Variants in PURG observed in about 807,000 individuals in gnomAD.
PURG encodes purine rich element binding protein G, also known as purine-rich element-binding protein gamma.
A neutral mutation model predicts 24.3 loss-of-function variants in PURG; 3 were observed. That is an observed-to-expected ratio of 0.12 (90% CI 0.06 to 0.32). The LOEUF (loss-of-function observed/expected upper bound fraction) is 0.32. Ranked by LOEUF, PURG falls within the 10% of genes least tolerant of loss-of-function variation. The pLI, the probability that PURG is intolerant of heterozygous loss-of-function variation, is 1.00. For synonymous variants in PURG, 180 were observed against 173.1 expected, an observed-to-expected ratio of 1.04 and a Z score of -0.31; for missense variants, 371 against 439.1, an observed-to-expected ratio of 0.84 and a Z score of 1.39.
chr8:31,021,198 A>T (rs976356314), intron 1 of PURG, among the ~76,000 whole-genome samples: 11 of 152,198 alleles, frequency 7.2e-5, no homozygotes, highest in African/African-American at 2.7e-4. Flanking sequence ...GTTGTAAGAA[A>T]TCAATAAAAC....
At chr8:30,996,604 C>T (rs1301181237) in exon 2 of PURG, 4 of 1,605,710 alleles carry the variant, frequency 2.5e-6, no homozygotes, top group African/African-American at 1.3e-5. Context: ...TATTCCTCAA[C>T]TGTTTTTGTA....
At chr8:31,026,205 T>C (rs532220009), downstream of PURG, among the ~76,000 whole-genome samples, 23 of 151,900 alleles carry the variant, frequency 1.5e-4, no homozygotes, top group Non-Finnish European at 3.2e-4. Context: ...CGTGATACTT[T>C]ATTAAAGCTT....
Position 31,030,866 on chromosome 8 carries a change from T to C in PURG, c.*873A>G, listed in dbSNP as rs1811182808. The stretch of plus-strand genomic sequence containing the variant: ...TATAACACCTTGAGTCCATGATATA[T>C]TTTGGGGAAGAAACCTCTTGCAATC... On this transcript the variant is annotated 3_prime_UTR_variant, in exon 2 of 2. Coordinates refer to ENST00000523392, the MANE Select transcript of PURG (RefSeq NM_001323311.2). 1 of 152,036 alleles carries C rather than the reference T, an allele frequency of 6.6e-6. No individual in the cohort carries two copies. The highest frequency in any genetic ancestry group is 2.1e-4 in the South Asian group (1 of 4,812). The allele number at this position is 152,036 out of a possible 1,614,324, so 9.4% of individuals were successfully genotyped here.
rs1221302455 is a variant in PURG at position 31,016,591 on chromosome 8, A to AC, written c.864+15327_864+15328insG. Among the ~76,000 whole-genome samples, 777 of 142,346 alleles carry AC rather than the reference A, an allele frequency of 5.5e-3. 19 individuals are homozygous for AC. Among genetic ancestry groups the AC allele is most frequent in the Middle Eastern group, 0.022 (6 of 276 alleles). The allele number at this position is 142,346 out of a possible 152,430, so 93.4% of individuals were successfully genotyped here. On this transcript the variant is annotated intron_variant, in intron 1 of 1. Transcript: ENST00000339382. Reference sequence around the variant, plus strand: ...AAGTCTACCAAGAACCAAAAAAAAAAAAAAAAAAAAAAAAAAAAGAAAGAA... The same window carrying AC: ...AAGTCTACCAAGAACCAAAAAAAAAACAAAAAAAAAAAAAAAAAAGAAAGAA...
At chr8:31,026,096 A>T (rs1042377277), downstream of PURG, among the ~76,000 whole-genome samples, 1 of 152,010 alleles carries the variant, frequency 6.6e-6, no homozygotes, top group African/African-American at 2.4e-5. Context: ...TTCAACAGAA[A>T]TATACCTTTT....
At chr8:31,029,034 A>T (rs1490492424), downstream of PURG, among the ~76,000 whole-genome samples, 1 of 151,904 alleles carries the variant, frequency 6.6e-6, no homozygotes, top group African/African-American at 2.4e-5. Flanking sequence ...GTATGTTACA[A>T]ATGACAATAA....
At chr8:31,027,873 C>T (rs1811119104), downstream of PURG, among the ~76,000 whole-genome samples, 1 of 151,694 alleles carries the variant, frequency 6.6e-6, no homozygotes, top group African/African-American at 2.4e-5. Flanking sequence ...GTTAGTACTT[C>T]TGTGAATTCT....
chr8:30,999,820 C>G (rs762395640), intron 1 of PURG, among the ~76,000 whole-genome samples: 3 of 151,780 alleles, frequency 2.0e-5, no homozygotes, highest in Non-Finnish European at 4.4e-5. Flanking sequence ...TTGTTTTAAA[C>G]AACTAAGAGA....
chr8:30,995,946 A>G (rs963165089), exon 2 of PURG: 1 of 152,036 alleles, frequency 6.6e-6, no homozygotes, highest in African/African-American at 2.4e-5. Context: ...TAGCATCCAC[A>G]AAAGCACCAT....
At chr8:31,005,873 G>A (rs367825903) in intron 1 of PURG, among the ~76,000 whole-genome samples, 5 of 151,208 alleles carry the variant, frequency 3.3e-5, no homozygotes, top group Non-Finnish European at 7.4e-5. Context: ...TGGAGGACAC[G>A]GGTTTTATAT....
At chr8:31,009,245 T>C (rs192386502) in intron 1 of PURG, among the ~76,000 whole-genome samples, 1 of 152,096 alleles carries the variant, frequency 6.6e-6, no homozygotes, top group East Asian at 1.9e-4. Context: ...GCCAACACAG[T>C]GAAACCCCAT....
At chr8:31,015,837 G>GC (rs1388760029) in intron 1 of PURG, among the ~76,000 whole-genome samples, 3 of 152,086 alleles carry the variant, frequency 2.0e-5, no homozygotes, top group Non-Finnish European at 2.9e-5. Context: ...AAATGCTTGA[G>GC]CCCAGGACTT....
chr8:31,014,254 T>C (rs1388884680), intron 1 of PURG, among the ~76,000 whole-genome samples: 1 of 152,210 alleles, frequency 6.6e-6, no homozygotes, highest in Non-Finnish European at 1.5e-5. Context: ...GATCAATCAG[T>C]TTTTGTGCTA....
intron 1 of PURG, among the ~76,000 whole-genome samples, chr8:31,021,967 CT>C (rs1222483755): frequency 6.8e-6 from 1 of 146,172 alleles, no homozygotes; most frequent in Admixed American, 6.8e-5. Context: ...AAATTCATTT[CT>C]TTCTTTTTTT....
intron 1 of PURG, among the ~76,000 whole-genome samples, chr8:31,016,676 T>C (rs1585361291): frequency 1.4e-5 from 2 of 146,314 alleles, no homozygotes; most frequent in East Asian, 4.2e-4. Flanking sequence ...TGTATCAGAA[T>C]GAGTAAGACG....
chr8:30,999,792 C>T (rs1810499611), intron 1 of PURG, among the ~76,000 whole-genome samples: 2 of 152,066 alleles, frequency 1.3e-5, no homozygotes, highest in Non-Finnish European at 1.5e-5. Context: ...TTTCTAGAAT[C>T]AGTATAGTCT....
chr8:31,029,895 T>C (rs1290721798), downstream of PURG, among the ~76,000 whole-genome samples: 7 of 151,924 alleles, frequency 4.6e-5, no homozygotes, highest in Non-Finnish European at 1.0e-4. Context: ...CATGTGCTAT[T>C]AGCTCTAGTA....
rs1811258781 is a variant in PURG, at chr8:31,032,672, G to C, written c.111C>G (p.Ser37=). The C allele has an allele frequency of 6.4e-7, 1 of 1,556,966 alleles. No individual in the cohort carries two copies. Among genetic ancestry groups the C allele is most frequent in the African/African-American group, 1.4e-5 (1 of 73,134 alleles). The change falls in exon 2 of 2, where the codon TCC becomes TCG. Residue 37 remains serine, a synonymous_variant. Coordinates refer to ENST00000523392, the MANE Select transcript of PURG (RefSeq NM_001323311.2). This position sits in a 1 kb window ranked among gnomAD's most constrained non-coding sequence, Gnocchi z 5.9. ...CTGAGGCCGCGTAGTGGGGGTAGTG[G>C]GAGTGCTGGGCCTGGGGATAGAGTC... is the stretch of plus-strand genomic sequence containing the variant. ...KSRLYPQAQH[S]HYPHYAASAT...
rs1162665654 is a variant in PURG, at chr8:31,032,311, G to C, written c.472C>G (p.Pro158Ala). ...TGCTCTTCGGACCCCACCGAGACTG[G>C]TGGGGAGGGTGCCGAGTGCTTCTGC... Reference protein sequence around the residue: ...RRQKHSAPSPPVSVGSEEHPH... With the variant: ...RRQKHSAPSPAVSVGSEEHPH... Residue 158 changes from proline (P) to alanine (A), a missense_variant, in exon 2 of 2, where the codon CCA becomes GCA. Pro to Ala is a conservative substitution (Grantham distance 27). Around this residue, in one of 5 missense-constraint regions of PURG, gnomAD observed 213 missense variants for 230.6 expected, o/e 0.92. Transcript: ENST00000523392. The surrounding 1 kb of genome is among the most constrained non-coding windows in gnomAD (Gnocchi z 5.9). 3.7e-6 allele frequency: 6 copies of C among 1,612,724 alleles called. No homozygotes were observed. The highest frequency in any genetic ancestry group is 4.2e-6 in the Non-Finnish European group (5 of 1,180,020).
Sources: allele counts gnomAD v4.1 joint callset (sites outside exome capture counted in the v4.1 genomes callset), GRCh38; gene constraint gnomAD v4.1.1; regional missense constraint gnomAD v4.1.1; non-coding constraint Gnocchi (gnomAD v3.1); transcripts MANE v1.5; gene names NCBI Gene and HGNC (gene_info 2026-07-23, HGNC 2026-07-21).